C11orf86: variants seen among roughly 807,000 people sequenced by gnomAD.
C11orf86 encodes the protein chromosome 11 open reading frame 86.
Under a neutral mutation model 11.1 loss-of-function variants are expected in C11orf86, and 13 were observed. The ratio of observed to expected loss-of-function variants is 1.17; its 90% CI spans 0.76 to 1.86. C11orf86 has a LOEUF of 1.86. Among genes scored for constraint, C11orf86 ranks in the 40% most tolerant of loss-of-function variants. C11orf86 has a pLI of 0.00. For synonymous variants in C11orf86, 86 were observed against 64.7 expected (o/e 1.33, Z -1.58); for missense variants, 144 against 146.5 (o/e 0.98, Z 0.09).
rs948960313 is a variant in C11orf86, at chr11:66,975,331, G to A, written c.-32G>A. The stretch of plus-strand genomic sequence containing the variant: ...AGGGCCAGTGTCTTGCTGAGGGGCC[G>A]GAGCAGTCCTGTGCCTGCAGCCTCC... On this transcript the variant is annotated 5_prime_UTR_variant, in exon 1 of 2. Transcript: ENST00000683896. 28 of 1,528,234 alleles carry A rather than the reference G, an allele frequency of 1.8e-5. No homozygotes were observed. The highest frequency in any genetic ancestry group is 1.1e-4 in the African/African-American group (8 of 71,388). 94.7% of individuals were successfully genotyped at this position (1,528,234 alleles called of 1,614,324 possible).
Position 66,975,688 on chromosome 11 carries a change from A to G in C11orf86, c.276+50A>G, listed in dbSNP as rs1487253068. 2.0e-6 allele frequency: 3 copies of G among 1,525,412 alleles called. No individual in the cohort carries two copies. The African/African-American group carries it at 4.2e-5, about 21-fold the overall frequency. The allele number at this position is 1,525,412 out of a possible 1,614,324, so 94.5% of individuals were successfully genotyped here. A position where few individuals can be genotyped will look rare whatever the true frequency, so the allele number is the denominator to read the frequency against. On this transcript the variant is annotated intron_variant, in intron 1 of 1. Coordinates refer to ENST00000683896, the MANE Select transcript of C11orf86 (RefSeq NM_001353554.2). ...AGGGTACCACAGCAGGTGGGCAGGGATTCCAGGGCAGGAAAGGTTCAGAGA... is the reference window on the plus strand; with the variant it reads ...AGGGTACCACAGCAGGTGGGCAGGGGTTCCAGGGCAGGAAAGGTTCAGAGA...
Position 66,976,222 on chromosome 11 carries a change from G to A in C11orf86, c.322G>A (p.Val108Met), listed in dbSNP as rs1271495844. Residue 108 changes from valine to methionine, a missense_variant, in exon 2 of 2, where the codon GTG becomes ATG. Coordinates refer to ENST00000683896, the MANE Select transcript of C11orf86 (RefSeq NM_001353554.2). ...GAGCTTTGTCGCCATCTTCCCCAGC[G>A]TGACTCTGAGTCAGCCGGCCTCCCC... ...WESFVAIFPSVTLSQPASP is the reference protein window; with the variant it reads ...WESFVAIFPSMTLSQPASP 32 of 1,551,210 alleles carry A rather than the reference G, an allele frequency of 2.1e-5. No individual in the cohort carries two copies. The highest frequency in any genetic ancestry group is 2.7e-5 in the African/African-American group (2 of 73,058).
chr11:66,975,328 GC>G lies in C11orf86; in HGVS notation c.-33del, dbSNP rs1379722481. 61 of 1,527,224 alleles carry G rather than the reference GC, an allele frequency of 4.0e-5. No individual in the cohort carries two copies. The highest frequency in any genetic ancestry group is 5.2e-5 in the Non-Finnish European group (59 of 1,141,468). The allele number at this position is 1,527,224 out of a possible 1,614,324, so 94.6% of individuals were successfully genotyped here. A position where few individuals can be genotyped will look rare whatever the true frequency, so the allele number is the denominator to read the frequency against. On this transcript the variant is annotated 5_prime_UTR_variant, in exon 1 of 2. Transcript: ENST00000683896. ...CAGAGGGCCAGTGTCTTGCTGAGGG[GC>G]CGGAGCAGTCCTGTGCCTGCAGCCT...
At position 66,975,486 on chromosome 11, in the gene C11orf86, C is replaced by T; in HGVS notation, c.124C>T (p.Gln42Ter). ...LRRALSLRQG[Q>*]EKSRSQGLER... ...CAGGGCGCTAAGCCTCAGACAGGGG[C>T]AAGAGAAGTCCAGGTCCCAGGGCCT... Residue 42 changes from glutamine (Q) to a stop codon, truncating the protein, a stop_gained, in exon 1 of 2, where the codon CAA (glutamine) becomes TAA (stop). Transcript: ENST00000683896. LOFTEE classifies it high-confidence loss of function. 1.3e-6 allele frequency: 2 copies of T among 1,551,420 alleles called. No individual in the cohort carries two copies. Among genetic ancestry groups the T allele is most frequent in the Non-Finnish European group, 8.7e-7 (1 of 1,146,942 alleles).
At chr11:66,976,130 AAGCCCACCACTC>A in intron 1 of C11orf86, 35 bp from the exon 2 acceptor site, 1 of 1,531,662 alleles carries the variant, frequency 6.5e-7, no homozygotes, top group Non-Finnish European at 8.9e-7. Context: ...AACAACATCT[AAGCCCACCACTC>A]AGCCCATGGG....
At chr11:66,976,031 G>T in intron 1 of C11orf86, 146 bp from the exon 2 acceptor site, 2 of 756,710 alleles carry the variant, frequency 2.6e-6, no homozygotes, top group Non-Finnish European at 4.4e-6. Context: ...TTTGTGGGGG[G>T]CTGCAGGCTC....
rs2136181582 is a variant in C11orf86, at chr11:66,976,683, C to G, written c.*432C>G. 1 of 166,658 alleles carries G rather than the reference C, an allele frequency of 6.0e-6. No homozygotes were observed. The highest frequency in any genetic ancestry group is 1.7e-4 in the South Asian group (1 of 5,840). The allele number at this position is 166,658 out of a possible 1,614,324, so 10.3% of individuals were successfully genotyped here. On this transcript the variant is annotated 3_prime_UTR_variant, in exon 2 of 2. Transcript: ENST00000683896. ...GAGGCTCACGGACGTTGCCTGGTCA[C>G]TGGGCCATGACCCAACTGCCCTTCT...
In C11orf86 at chr11:66,975,623, G is replaced by A. The variant is rs1425620211; in HGVS notation, c.261G>A (p.Leu87=). The stretch of plus-strand genomic sequence containing the variant: ...AGCGAAGAGGCAGCCGGTGGTGGCT[G>A]AGGCGGTACCAACAGGTATGGCTGT... ...QAQRRGSRWW[L]RRYQQQVRRR... The change falls in exon 1 of 2, where the codon CTG becomes CTA. Residue 87 remains leucine (L), a synonymous_variant. Transcript: ENST00000683896. 2 of 1,550,978 alleles carry A rather than the reference G, an allele frequency of 1.3e-6. No individual in the cohort carries two copies. The highest frequency in any genetic ancestry group is 8.7e-7 in the Non-Finnish European group (1 of 1,146,724).
Position 66,975,563 on chromosome 11 carries a change from G to T in C11orf86, c.201G>T (p.Gly67=). 2.6e-6 allele frequency: 4 copies of T among 1,551,470 alleles called. No homozygotes were observed. The South Asian group carries it at 4.8e-5, about 18-fold the overall frequency. ...PDATAQERVP[G]SLGDTEQLIQ... ...CCACTGCCCAGGAGCGGGTGCCGGG[G>T]AGCCTGGGGGACACAGAGCAGCTGA... Residue 67 remains glycine (G), a synonymous_variant, in exon 1 of 2, where the codon GGG becomes GGT. Transcript: ENST00000683896.
Position 66,975,514 on chromosome 11 carries a change from A to C in C11orf86, c.152A>C (p.Glu51Ala). 6.4e-7 allele frequency: 1 copy of C among 1,551,532 alleles called. No homozygotes were observed. ...GAGAAGTCCAGGTCCCAGGGCCTCGAGAGAGGCACAGAAGGGCCAGATGCC... is the reference window on the plus strand; with the variant it reads ...GAGAAGTCCAGGTCCCAGGGCCTCGCGAGAGGCACAGAAGGGCCAGATGCC... ...GQEKSRSQGL[E>A]RGTEGPDATA... is the part of the protein sequence containing the mutation. Residue 51 changes from glutamate to alanine, a missense_variant, in exon 1 of 2, where the codon GAG (glutamate) becomes GCG (alanine). Physicochemically the swap from Glu to Ala is moderately radical, Grantham distance 107. Coordinates refer to ENST00000683896, the MANE Select transcript of C11orf86 (RefSeq NM_001353554.2).
chr11:66,976,259 T>C lies in C11orf86; in HGVS notation c.*8T>C, dbSNP rs1414877425. On this transcript the variant is annotated 3_prime_UTR_variant, in exon 2 of 2. Transcript: ENST00000683896. ...CAGCCGGCCTCCCCGTAGCCCACAC[T>C]GGGCACCATCAGCTAAAGATGCTGG... The C allele has an allele frequency of 1.3e-6, 2 of 1,550,738 alleles. No homozygotes were observed. Among genetic ancestry groups the C allele is most frequent in the South Asian group, 1.2e-5 (1 of 84,066 alleles).
Position 66,975,449 on chromosome 11 carries a change from G to A in C11orf86, c.87G>A (p.Glu29=). Residue 29 remains glutamate (E), a synonymous_variant, in exon 1 of 2, where the codon GAG becomes GAA. Coordinates refer to ENST00000683896, the MANE Select transcript of C11orf86 (RefSeq NM_001353554.2). ...AGGAGCCCTGGGGGAGGCCCCAGGA[G>A]GGCCAACTCCGCAGGGCGCTAAGCC... ...KLQEPWGRPQ[E]GQLRRALSLR... is the part of the protein sequence containing the mutation. 1 of 1,551,074 alleles carries A rather than the reference G, an allele frequency of 6.4e-7. No homozygotes were observed. The highest frequency in any genetic ancestry group is 8.7e-7 in the Non-Finnish European group (1 of 1,146,858).
At position 66,975,440 on chromosome 11, in the gene C11orf86, G is replaced by A; in HGVS notation, c.78G>A (p.Arg26=). ...GAAAGCTGCAGGAGCCCTGGGGGAG[G>A]CCCCAGGAGGGCCAACTCCGCAGGG... ...SYGKLQEPWG[R]PQEGQLRRAL... Residue 26 remains arginine, a synonymous_variant, in exon 1 of 2, where the codon AGG becomes AGA. Transcript: ENST00000683896. 1.3e-6 allele frequency: 2 copies of A among 1,550,902 alleles called. No homozygotes were observed. The highest frequency in any genetic ancestry group is 1.7e-6 in the Non-Finnish European group (2 of 1,146,850).
In C11orf86 at chr11:66,975,312, A is replaced by G; in HGVS notation, c.-51A>G. 1.3e-6 allele frequency: 2 copies of G among 1,519,136 alleles called. No homozygotes were observed. The highest frequency in any genetic ancestry group is 1.8e-6 in the Non-Finnish European group (2 of 1,139,260). 94.1% of individuals were successfully genotyped at this position (1,519,136 alleles called of 1,614,324 possible). ...AGGCACTGGGCCACCTCAGAGGGCC[A>G]GTGTCTTGCTGAGGGGCCGGAGCAG... On this transcript the variant is annotated 5_prime_UTR_variant, in exon 1 of 2. Coordinates refer to ENST00000683896, the MANE Select transcript of C11orf86 (RefSeq NM_001353554.2).
Position 66,976,290 on chromosome 11 carries a change from A to G in C11orf86, c.*39A>G. The G allele has an allele frequency of 1.3e-6, 2 of 1,544,164 alleles. No individual in the cohort carries two copies. Among genetic ancestry groups the G allele is most frequent in the Non-Finnish European group, 1.7e-6 (2 of 1,142,966 alleles). On this transcript the variant is annotated 3_prime_UTR_variant, in exon 2 of 2. Coordinates refer to ENST00000683896, the MANE Select transcript of C11orf86 (RefSeq NM_001353554.2). ...CCATCAGCTAAAGATGCTGGAAGCCATCGTGGCCCCCTTGCTGTGCCTGGA... is the reference window on the plus strand; with the variant it reads ...CCATCAGCTAAAGATGCTGGAAGCCGTCGTGGCCCCCTTGCTGTGCCTGGA...
chr11:66,975,435 G>T lies in C11orf86; in HGVS notation c.73G>T (p.Gly25Trp). The T allele has an allele frequency of 6.4e-7, 1 of 1,551,016 alleles. No homozygotes were observed. Among genetic ancestry groups the T allele is most frequent in the Non-Finnish European group, 8.7e-7 (1 of 1,146,872 alleles). Residue 25 changes from glycine to tryptophan, a missense_variant, in exon 1 of 2, where the codon GGG becomes TGG. Gly to Trp is a radical substitution (Grantham distance 184). Coordinates refer to ENST00000683896, the MANE Select transcript of C11orf86 (RefSeq NM_001353554.2). ...CTATGGAAAGCTGCAGGAGCCCTGG[G>T]GGAGGCCCCAGGAGGGCCAACTCCG... ...PSYGKLQEPW[G>W]RPQEGQLRRA... is the part of the protein sequence containing the mutation.
At chr11:66,975,745 C>T in intron 1 of C11orf86, 107 bp downstream of exon 1, 1 of 1,443,616 alleles carries the variant, frequency 6.9e-7, no homozygotes, top group Non-Finnish European at 9.1e-7. Flanking sequence ...ACCAAGATGA[C>T]AACCGAGCTG....
chr11:66,975,923 G>C (rs1056823044), intron 1 of C11orf86, among the ~76,000 whole-genome samples: 9 of 152,182 alleles, frequency 5.9e-5, no homozygotes, highest in Non-Finnish European at 1.0e-4. Flanking sequence ...CTGGATGGGG[G>C]AATAGAGCAG....
In C11orf86 at chr11:66,976,383, GGC is replaced by G; in HGVS notation, c.*133_*134del. The G allele has an allele frequency of 1.1e-6, 1 of 945,828 alleles. No homozygotes were observed. Among genetic ancestry groups the G allele is most frequent in the South Asian group, 1.5e-5 (1 of 65,548 alleles). 58.6% of individuals were successfully genotyped at this position (945,828 alleles called of 1,614,324 possible). Reference sequence around the variant, plus strand: ...GGACTTTGGCTGGGTGGCCCTAGGAGGCTTCTGCCACCAGCTCACTGGAGTCG... The same window carrying G: ...GGACTTTGGCTGGGTGGCCCTAGGAGTTCTGCCACCAGCTCACTGGAGTCG... On this transcript the variant is annotated 3_prime_UTR_variant, in exon 2 of 2. Coordinates refer to ENST00000683896, the MANE Select transcript of C11orf86 (RefSeq NM_001353554.2).
Sources: allele counts gnomAD v4.1 joint callset (sites outside exome capture counted in the v4.1 genomes callset), GRCh38; gene constraint gnomAD v4.1.1; transcripts MANE v1.5; gene names NCBI Gene and HGNC (gene_info 2026-07-23, HGNC 2026-07-21).